Variants in BTG4 observed in about 807,000 individuals in gnomAD.
The protein encoded by BTG4 is BTG anti-proliferation factor 4.
BTG4 carries 10 observed loss-of-function variants against 19.3 expected under a neutral mutation model. The ratio of observed to expected loss-of-function variants is 0.52; its 90% CI spans 0.32 to 0.88. The LOEUF (loss-of-function observed/expected upper bound fraction) is 0.88. Among genes scored for constraint, BTG4 ranks in the 40% least tolerant of loss-of-function variants. BTG4 has a pLI of 0.04. For missense variants in BTG4, 238 were observed against 281.9 expected (o/e 0.84, Z 1.11); for synonymous variants, 91 against 95.7 (o/e 0.95, Z 0.29).
the BTG4 span, among the ~76,000 whole-genome samples, chr11:111,433,097 T>C: frequency 1.3e-5 from 2 of 152,218 alleles, no homozygotes; most frequent in Non-Finnish European, 2.9e-5. Context: ...AAGAAGGAGA[T>C]AGTGGCCAGA....
chr11:111,437,667 C>T, the BTG4 span, among the ~76,000 whole-genome samples: 6 of 152,088 alleles, frequency 3.9e-5, no homozygotes, highest in East Asian at 7.7e-4. Context: ...AGTGCCTAGA[C>T]CCCCACCTGT....
At chr11:111,418,840 G>C in the BTG4 span, among the ~76,000 whole-genome samples, 1 of 152,214 alleles carries the variant, frequency 6.6e-6, no homozygotes, top group Non-Finnish European at 1.5e-5. Flanking sequence ...GCAGGAGTTT[G>C]TTTTAGTTCA....
At chr11:111,453,247 G>A in the BTG4 span, among the ~76,000 whole-genome samples, 1 of 152,138 alleles carries the variant, frequency 6.6e-6, no homozygotes, top group East Asian at 1.9e-4. Context: ...TGGATCAGAG[G>A]GGGAAAAACG....
chr11:111,405,011 C>T, the BTG4 span, among the ~76,000 whole-genome samples: 1 of 152,226 alleles, frequency 6.6e-6, no homozygotes. Flanking sequence ...CAGCACTATG[C>T]TGGTCATAGT....
the BTG4 span, among the ~76,000 whole-genome samples, chr11:111,403,132 G>A: frequency 6.6e-6 from 1 of 152,162 alleles, no homozygotes; most frequent in Non-Finnish European, 1.5e-5. Context: ...CCATCATCCT[G>A]TGAGCTCTTA....
the BTG4 span, chr11:111,404,780 A>G: frequency 1.3e-4 from 54 of 413,134 alleles, no homozygotes; most frequent in South Asian, 3.5e-5. Flanking sequence ...GAGCTTTGAT[A>G]TAAAGACCAG....
At chr11:111,503,610 G>A (rs904999555) in intron 1 of BTG4, among the ~76,000 whole-genome samples, 7 of 152,142 alleles carry the variant, frequency 4.6e-5, no homozygotes, top group Admixed American at 2.6e-4. Flanking sequence ...ATGTCTGGGC[G>A]AAGAACCACA....
the BTG4 span, among the ~76,000 whole-genome samples, chr11:111,389,979 T>C: frequency 1.3e-5 from 2 of 152,222 alleles, no homozygotes; most frequent in Admixed American, 6.5e-5. Flanking sequence ...CTAAATACTT[T>C]ACACATATTA....
chr11:111,416,245 G>A, the BTG4 span: 2 of 151,862 alleles, frequency 1.3e-5, no homozygotes, highest in African/African-American at 4.8e-5. Flanking sequence ...GAATTTTCAG[G>A]GCCTTCATCA....
At chr11:111,389,922 C>A in the BTG4 span, among the ~76,000 whole-genome samples, 5 of 152,058 alleles carry the variant, frequency 3.3e-5, no homozygotes, top group African/African-American at 1.2e-4. Context: ...ACAAAGCCAA[C>A]GAAAGCTAAG....
At chr11:111,512,739 G>C (rs942286143), upstream of BTG4, among the ~76,000 whole-genome samples, 2 of 152,038 alleles carry the variant, frequency 1.3e-5, no homozygotes, top group African/African-American at 4.8e-5. Flanking sequence ...GGTCCTCCCC[G>C]GCAGCGCCGC....
chr11:111,453,898 GTATGTCACA>G, the BTG4 span, among the ~76,000 whole-genome samples: 1 of 152,202 alleles, frequency 6.6e-6, no homozygotes, highest in Non-Finnish European at 1.5e-5. Flanking sequence ...GGTATTTATT[GTATGTCACA>G]CTGAAGGGTT....
intron 5 of BTG4, among the ~76,000 whole-genome samples, chr11:111,481,681 A>G (rs1565450866): frequency 1.3e-5 from 2 of 151,918 alleles, no homozygotes; most frequent in Non-Finnish European, 2.9e-5. Context: ...TTTTTTAAAA[A>G]AATCATAGTA....
the BTG4 span, chr11:111,416,622 C>A: frequency 8.0e-6 from 1 of 124,602 alleles, no homozygotes; most frequent in Non-Finnish European, 1.8e-5. Context: ...CCGACAGCGT[C>A]TGTCCTGGGT....
chr11:111,476,853 A>T (rs1326581651), intron 5 of BTG4, among the ~76,000 whole-genome samples: 1 of 152,200 alleles, frequency 6.6e-6, no homozygotes, highest in Non-Finnish European at 1.5e-5. Context: ...TTTAAGAAGA[A>T]GGCAAGTCTT....
chr11:111,484,532 T>C (rs1057511059), intron 5 of BTG4, among the ~76,000 whole-genome samples: 2 of 152,100 alleles, frequency 1.3e-5, no homozygotes, highest in African/African-American at 4.8e-5. Context: ...AATTTTATCT[T>C]TGCTTTGCTT....
At chr11:111,476,506 T>A (rs549426) in intron 5 of BTG4, among the ~76,000 whole-genome samples, 148,083 of 152,290 alleles carry the variant, frequency 0.97, 72,127 homozygotes, top group Middle Eastern at 1. Context: ...TATCAGGAAC[T>A]TCTGCTCAGA....
In BTG4 at chr11:111,486,069, C is replaced by A. The variant is rs888528506; in HGVS notation, c.662+9094G>T. On this transcript the variant is annotated intron_variant, in intron 5 of 5. Transcript: ENST00000356018. ...ATCCAAAACCTGAATAGACCAATAA[C>A]AAGTAATGAGATAGAAAGCTTTTTA... Among the ~76,000 whole-genome samples, 4 of 152,260 alleles carry A rather than the reference C, an allele frequency of 2.6e-5. No individual in the cohort carries two copies. In the South Asian group the frequency reaches 8.3e-4, roughly 32 times the overall value.
In BTG4 at chr11:111,486,684, C is replaced by CATCATG. The variant is rs1245296451; in HGVS notation, c.662+8473_662+8478dup. The stretch of plus-strand genomic sequence containing the variant: ...TTCAATAGCACATTAAAAAAGTATT[C>CATCATG]ATCATGATCATGATCATGTGGGATT... On this transcript the variant is annotated intron_variant, in intron 5 of 5. Transcript: ENST00000356018. Among the ~76,000 whole-genome samples the CATCATG allele has an allele frequency of 2.6e-5, 4 of 152,246 alleles. No homozygotes were observed. In the South Asian group the frequency reaches 6.2e-4, roughly 24 times the overall value.
Sources: allele counts gnomAD v4.1 joint callset (sites outside exome capture counted in the v4.1 genomes callset), GRCh38; gene constraint gnomAD v4.1.1; transcripts MANE v1.5; gene names NCBI Gene and HGNC (gene_info 2026-07-23, HGNC 2026-07-21).